Variants in SNTG1 observed in about 807,000 individuals in gnomAD.
SNTG1 encodes the protein syntrophin gamma 1.
SNTG1 carries 39 observed loss-of-function variants against 74.7 expected under a neutral mutation model. The ratio of observed to expected loss-of-function variants is 0.52; its 90% CI spans 0.40 to 0.68. The LOEUF is 0.68. Ranked by LOEUF, SNTG1 falls within the 30% of genes least tolerant of loss-of-function variation. SNTG1 has a pLI of 0.00. For synonymous variants in SNTG1, 254 were observed against 217.1 expected (o/e 1.17, Z -1.49); for missense variants, 685 against 609.5 (o/e 1.12, Z -1.30).
At chr8:50,605,455 C>T (rs1052264570) in intron 13 of SNTG1, among the ~76,000 whole-genome samples, 1 of 152,256 alleles carries the variant, frequency 6.6e-6, no homozygotes, top group Admixed American at 6.5e-5. Context: ...CTGGCTGCTC[C>T]GAATGCTCCT....
intron 2 of SNTG1, among the ~76,000 whole-genome samples, chr8:50,293,707 G>T (rs1464934372): frequency 1.3e-5 from 2 of 152,046 alleles, no homozygotes; most frequent in Non-Finnish European, 2.9e-5. Context: ...ACTGTGCCCT[G>T]CAGTAAGCTC....
At chr8:50,434,523 T>A (rs2131545751) in intron 4 of SNTG1, among the ~76,000 whole-genome samples, 1 of 152,314 alleles carries the variant, frequency 6.6e-6, no homozygotes. Flanking sequence ...AAAGTGGTCC[T>A]ATTTCTCCAC....
chr8:50,145,602 C>A (rs1180503677), intron 1 of SNTG1, among the ~76,000 whole-genome samples: 2 of 152,034 alleles, frequency 1.3e-5, no homozygotes, highest in African/African-American at 2.4e-5. Flanking sequence ...AAAGTCATGG[C>A]AGTTGGGGCG....
intron 1 of SNTG1, among the ~76,000 whole-genome samples, chr8:50,028,664 G>A (rs931949697): frequency 6.6e-5 from 10 of 151,994 alleles, no homozygotes; most frequent in African/African-American, 1.7e-4. Flanking sequence ...TGGGTGCAGC[G>A]CACCAGCATG....
chr8:50,712,009 T>C (rs1222170133), intron 17 of SNTG1, among the ~76,000 whole-genome samples: 3 of 152,232 alleles, frequency 2.0e-5, no homozygotes, highest in Non-Finnish European at 4.4e-5. Flanking sequence ...AAAATGTATA[T>C]GTGCATTAAT....
chr8:50,285,775 T>C (rs1431946268), intron 2 of SNTG1, among the ~76,000 whole-genome samples: 1 of 150,814 alleles, frequency 6.6e-6, no homozygotes, highest in African/African-American at 2.4e-5. Context: ...TCATTCTTTT[T>C]TAAAATGTAT....
At position 50,162,598 on chromosome 8, in the gene SNTG1, A is replaced by T. The variant is rs145780145; in HGVS notation, c.-102-9963A>T. Among the ~76,000 whole-genome samples, 1,125 of 150,812 alleles carry T rather than the reference A, an allele frequency of 7.5e-3. 4 individuals are homozygous for T. Among genetic ancestry groups the T allele is most frequent in the Non-Finnish European group, 0.012 (818 of 67,690 alleles). On this transcript the variant is annotated intron_variant, in intron 1 of 18. Coordinates refer to ENST00000642720, the MANE Select transcript of SNTG1 (RefSeq NM_018967.5). Reference sequence around the variant, plus strand: ...AAAAAGAAAAAAAAAGAAAGAAAACACCAGTCCCTAGCAGAACTTCATCCT... The same window carrying T: ...AAAAAGAAAAAAAAAGAAAGAAAACTCCAGTCCCTAGCAGAACTTCATCCT...
intron 1 of SNTG1, among the ~76,000 whole-genome samples, chr8:50,042,330 G>T (rs538533192): frequency 6.6e-6 from 1 of 152,070 alleles, no homozygotes; most frequent in African/African-American, 2.4e-5. Flanking sequence ...TGTGTTGTAG[G>T]TCCTACCCCT....
chr8:50,035,082 T>C (rs1471212643), intron 1 of SNTG1, among the ~76,000 whole-genome samples: 2 of 152,170 alleles, frequency 1.3e-5, no homozygotes, highest in Non-Finnish European at 2.9e-5. Flanking sequence ...ACTTAGCTAA[T>C]GTGGGATTTC....
chr8:50,450,805 A>C (rs571689465), intron 8 of SNTG1, 76 bp downstream of exon 8: 6 of 1,387,192 alleles, frequency 4.3e-6, no homozygotes, highest in Non-Finnish European at 6.1e-6. Context: ...AAAGACTGTC[A>C]CTTCATTCAT....
At chr8:50,755,203 A>G (rs1185457716) in intron 18 of SNTG1, among the ~76,000 whole-genome samples, 1 of 151,860 alleles carries the variant, frequency 6.6e-6, no homozygotes, top group African/African-American at 2.4e-5. Flanking sequence ...GTTATCTGCC[A>G]TTATAGTATC....
chr8:50,294,524 A>G (rs2089274109), intron 2 of SNTG1, among the ~76,000 whole-genome samples: 1 of 152,158 alleles, frequency 6.6e-6, no homozygotes, highest in Admixed American at 6.6e-5. Context: ...CTGATGTTGC[A>G]CTTCAAGTTC....
chr8:50,575,234 G>A (rs770900605), intron 12 of SNTG1, among the ~76,000 whole-genome samples: 7 of 152,086 alleles, frequency 4.6e-5, no homozygotes, highest in African/African-American at 9.7e-5. Flanking sequence ...TTTCAAGTTC[G>A]TTTATGGGGG....
intron 12 of SNTG1, among the ~76,000 whole-genome samples, chr8:50,587,698 G>A (rs1198211809): frequency 2.0e-5 from 3 of 151,646 alleles, no homozygotes; most frequent in African/African-American, 7.3e-5. Flanking sequence ...GGTGGTGCAC[G>A]CCTGTAGTCC....
intron 17 of SNTG1, among the ~76,000 whole-genome samples, chr8:50,727,107 T>C (rs1361843375): frequency 6.6e-6 from 1 of 152,088 alleles, no homozygotes; most frequent in Non-Finnish European, 1.5e-5. Flanking sequence ...AGAGAAAAGG[T>C]ATCTAAACTA....
chr8:50,531,372 G>T lies in SNTG1; in HGVS notation c.549+1113G>T, dbSNP rs1445347940. Among the ~76,000 whole-genome samples the T allele has an allele frequency of 2.0e-5, 3 of 151,652 alleles. No homozygotes were observed. In the East Asian group the frequency reaches 5.8e-4, roughly 29 times the overall value. ...AGAAATAATTGCCACACAATAAGTG[G>T]CATTTAAAACCACAATACAGCATGA... On this transcript the variant is annotated intron_variant, in intron 10 of 18. Coordinates refer to ENST00000642720, the MANE Select transcript of SNTG1 (RefSeq NM_018967.5).
At chr8:50,615,761 C>G (rs577465611) in intron 13 of SNTG1, among the ~76,000 whole-genome samples, 3 of 152,294 alleles carry the variant, frequency 2.0e-5, no homozygotes, top group Admixed American at 1.3e-4. Flanking sequence ...AAAGACACAG[C>G]TGACTTGTGT....
intron 11 of SNTG1, among the ~76,000 whole-genome samples, chr8:50,538,858 C>T (rs1334459545): frequency 6.6e-6 from 1 of 152,012 alleles, no homozygotes; most frequent in Non-Finnish European, 1.5e-5. Context: ...CACTGAGAAA[C>T]TTTTTAAAAA....
At chr8:50,476,847 G>GACACACAGAGAC (rs2093700335) in intron 8 of SNTG1, among the ~76,000 whole-genome samples, 1 of 40,838 alleles carries the variant, frequency 2.4e-5, no homozygotes, top group Non-Finnish European at 6.3e-5. Context: ...ATGAGCCTGT[G>GACACACAGAGAC]ACACACACAG....
Sources: gnomAD v4.1 joint callset for allele counts (sites outside exome capture counted in the v4.1 genomes callset) on GRCh38, gnomAD v4.1.1 for gene constraint, MANE v1.5 for transcripts, NCBI Gene and HGNC (gene_info 2026-07-23, HGNC 2026-07-21) for gene names.